Variants in TTL observed in about 807,000 individuals in gnomAD.
TTL encodes tubulin tyrosine ligase, also known as tubulin--tyrosine ligase.
Under a neutral mutation model 41.1 loss-of-function variants are expected in TTL, and 10 were observed. That is an observed-to-expected ratio of 0.24 (90% CI 0.15 to 0.41). The LOEUF is 0.41. TTL is among the 10% of genes least tolerant of loss of function. The pLI is 1.00. For synonymous variants in TTL, 175 were observed against 175.5 expected, an observed-to-expected ratio of 1.00 and a Z score of 0.02; for missense variants, 367 against 460.4, an observed-to-expected ratio of 0.80 and a Z score of 1.86.
chr2:112,531,558 TC>T lies in TTL; in HGVS notation c.*2767del. 4.3e-6 allele frequency: 1 copy of T among 230,034 alleles called. No homozygotes were observed. The highest frequency in any genetic ancestry group is 6.2e-5 in the East Asian group (1 of 16,090). The allele number at this position is 230,034 out of a possible 1,614,324, so 14.2% of individuals were successfully genotyped here. A position where few individuals can be genotyped will look rare whatever the true frequency, so the allele number is the denominator to read the frequency against. ...TTTAAAAAATGTTAGTGCCCACTCT[TC>T]CCCTGTACCCCCGGACAGTTAAATC... On this transcript the variant is annotated 3_prime_UTR_variant, in exon 7 of 7. Coordinates refer to ENST00000233336, the MANE Select transcript of TTL (RefSeq NM_153712.5).
rs578236612 is a variant in TTL, at chr2:112,498,073, C to T, written c.470-3133C>T. 5.3e-5 allele frequency among the ~76,000 whole-genome samples: 8 copies of T among 152,332 alleles called. No individual in the cohort carries two copies. In the East Asian group the frequency reaches 1.5e-3, roughly 29 times the overall value. On this transcript the variant is annotated intron_variant, in intron 3 of 6. Transcript: ENST00000233336. Reference sequence around the variant, plus strand: ...GCGCAGTGGCTCACACCTGTAATCCCAGCACTTTGAGAATCCAAGGCGGGC... The same window carrying T: ...GCGCAGTGGCTCACACCTGTAATCCTAGCACTTTGAGAATCCAAGGCGGGC...
rs1225329046 is a variant in TTL at position 112,539,837 on chromosome 2, ACAAGAT to A, written c.*11046_*11051del. On this transcript the variant is annotated 3_prime_UTR_variant, in exon 7 of 7. Coordinates refer to ENST00000233336, the MANE Select transcript of TTL (RefSeq NM_153712.5). ...AAAGAGTTTAGCAAGATTGCCAGAC[ACAAGAT>A]CAATATACAAAACTCAATGGTATTT... 1.3e-5 allele frequency: 2 copies of A among 152,250 alleles called. No individual in the cohort carries two copies. The highest frequency in any genetic ancestry group is 4.8e-5 in the African/African-American group (2 of 41,470). The allele number at this position is 152,250 out of a possible 1,614,324, so 9.4% of individuals were successfully genotyped here.
chr2:112,509,694 A>C (rs1356092035), intron 5 of TTL, among the ~76,000 whole-genome samples: 3 of 152,130 alleles, frequency 2.0e-5, no homozygotes, highest in Non-Finnish European at 4.4e-5. Context: ...GCGCACACAC[A>C]CTGGCCTGCG....
rs1407151602 is a variant in TTL at position 112,532,949 on chromosome 2, G to A, written c.*4154G>A. On this transcript the variant is annotated 3_prime_UTR_variant, in exon 7 of 7. Coordinates refer to ENST00000233336, the MANE Select transcript of TTL (RefSeq NM_153712.5). ...GTTTCTTACGTGTCTTGTGTATCGA[G>A]TTCTTGTAAAGCATTTCACCAAGGC... 1.3e-5 allele frequency: 2 copies of A among 152,186 alleles called. No homozygotes were observed. Among genetic ancestry groups the A allele is most frequent in the Admixed American group, 1.3e-4 (2 of 15,276 alleles). 9.4% of individuals were successfully genotyped at this position (152,186 alleles called of 1,614,324 possible).
chr2:112,499,392 G>A (rs1245731192), intron 3 of TTL, among the ~76,000 whole-genome samples: 2 of 152,070 alleles, frequency 1.3e-5, no homozygotes, highest in African/African-American at 4.8e-5. Context: ...TGAAAAAGGT[G>A]CAAAAGCCAT....
At position 112,529,622 on chromosome 2, in the gene TTL, T is replaced by A. The variant is rs79979361; in HGVS notation, c.*827T>A. On this transcript the variant is annotated 3_prime_UTR_variant, in exon 7 of 7. Coordinates refer to ENST00000233336, the MANE Select transcript of TTL (RefSeq NM_153712.5). ...AGTTTTGCCTAGTTCCCTTTTTTTT[T>A]CTTTTTTTACTTTTTTTTAAACGTT... 549 of 228,386 alleles carry A rather than the reference T, an allele frequency of 2.4e-3. 1 individual carries two copies. Among genetic ancestry groups the A allele is most frequent in the African/African-American group, 0.011 (517 of 45,210 alleles). 14.1% of individuals were successfully genotyped at this position (228,386 alleles called of 1,614,324 possible).
intron 2 of TTL, among the ~76,000 whole-genome samples, chr2:112,486,882 A>G (rs765679724): frequency 3.9e-5 from 6 of 152,242 alleles, no homozygotes; most frequent in Admixed American, 6.5e-5. Flanking sequence ...GGAAATAATA[A>G]TAACTACCTA....
chr2:112,526,306 T>C (rs1421798117), intron 6 of TTL, among the ~76,000 whole-genome samples: 1 of 152,228 alleles, frequency 6.6e-6, no homozygotes, highest in Non-Finnish European at 1.5e-5. Context: ...CCTCATAAAA[T>C]GAGTTAGGGA....
intron 5 of TTL, among the ~76,000 whole-genome samples, chr2:112,518,540 C>T (rs17043138): frequency 0.011 from 1,712 of 151,974 alleles, 29 homozygotes; most frequent in African/African-American, 0.032. Flanking sequence ...GGGCCGAGGG[C>T]GGAGGATTGA....
intron 2 of TTL, among the ~76,000 whole-genome samples, chr2:112,493,757 CTT>C (rs1681453462): frequency 6.6e-6 from 1 of 152,176 alleles, no homozygotes; most frequent in African/African-American, 2.4e-5. Context: ...CCAGGATAGT[CTT>C]TTTGCTACTT....
In TTL at chr2:112,534,551, G is replaced by A. The variant is rs1464380359; in HGVS notation, c.*5756G>A. 1 of 152,312 alleles carries A rather than the reference G, an allele frequency of 6.6e-6. No homozygotes were observed. Among genetic ancestry groups the A allele is most frequent in the East Asian group, 1.9e-4 (1 of 5,188 alleles). The allele number at this position is 152,312 out of a possible 1,614,324, so 9.4% of individuals were successfully genotyped here. Reference sequence around the variant, plus strand: ...CAGAGAATTGCCATTTGGCCTTTTTGGTAGTTCCATGTAAGTCCCTACTCC... The same window carrying A: ...CAGAGAATTGCCATTTGGCCTTTTTAGTAGTTCCATGTAAGTCCCTACTCC... On this transcript the variant is annotated 3_prime_UTR_variant, in exon 7 of 7. Transcript: ENST00000233336.
At chr2:112,487,756 G>A (rs1380485052) in intron 2 of TTL, among the ~76,000 whole-genome samples, 2 of 152,190 alleles carry the variant, frequency 1.3e-5, no homozygotes, top group East Asian at 3.9e-4. Context: ...TATGCAGGCT[G>A]GAGGTTGCAT....
chr2:112,527,171 G>T (rs943765840), intron 6 of TTL, among the ~76,000 whole-genome samples: 1 of 152,110 alleles, frequency 6.6e-6, no homozygotes, highest in Admixed American at 6.6e-5. Flanking sequence ...TATAATTTCT[G>T]TTCTTTTACA....
At chr2:112,485,375 A>G (rs1681214099) in intron 1 of TTL, among the ~76,000 whole-genome samples, 1 of 152,246 alleles carries the variant, frequency 6.6e-6, no homozygotes, top group Non-Finnish European at 1.5e-5. Flanking sequence ...TGCGGCACAG[A>G]AGAAAGCTCT....
chr2:112,529,104 C>T lies in TTL; in HGVS notation c.*309C>T, dbSNP rs1408323768. 11 of 442,276 alleles carry T rather than the reference C, an allele frequency of 2.5e-5. No individual in the cohort carries two copies. The highest frequency in any genetic ancestry group is 5.4e-5 in the South Asian group (2 of 37,052). 27.4% of individuals were successfully genotyped at this position (442,276 alleles called of 1,614,324 possible). ...ACGGCAGGGCACTGGGACCTCTGGT[C>T]GGTGCCTCCCACCCACTGCAGCCCT... On this transcript the variant is annotated 3_prime_UTR_variant, in exon 7 of 7. Transcript: ENST00000233336.
chr2:112,533,689 C>T lies in TTL; in HGVS notation c.*4894C>T, dbSNP rs1457539725. 1 of 152,206 alleles carries T rather than the reference C, an allele frequency of 6.6e-6. No individual in the cohort carries two copies. Among genetic ancestry groups the T allele is most frequent in the Non-Finnish European group, 1.5e-5 (1 of 68,050 alleles). 9.4% of individuals were successfully genotyped at this position (152,206 alleles called of 1,614,324 possible). The stretch of plus-strand genomic sequence containing the variant: ...ACCCATTCCTGTGATAACTAACCCA[C>T]TCCTGGCATAACATCATTAATTTAT... On this transcript the variant is annotated 3_prime_UTR_variant, in exon 7 of 7. Transcript: ENST00000233336.
intron 5 of TTL, among the ~76,000 whole-genome samples, chr2:112,517,183 G>A (rs959332954): frequency 2.1e-5 from 3 of 145,854 alleles, no homozygotes; most frequent in Admixed American, 6.8e-5. Context: ...AAAAAAATTA[G>A]TTTTGATTTG....
intron 5 of TTL, among the ~76,000 whole-genome samples, chr2:112,517,144 T>C (rs1682091919): frequency 7.1e-6 from 1 of 140,896 alleles, no homozygotes; most frequent in South Asian, 2.4e-4. Flanking sequence ...ATTATTAATC[T>C]TGAGCTTTCA....
Position 112,539,325 on chromosome 2 carries a change from G to A in TTL, c.*10530G>A, listed in dbSNP as rs903416214. 4.0e-5 allele frequency: 6 copies of A among 151,868 alleles called. No individual in the cohort carries two copies. Among genetic ancestry groups the A allele is most frequent in the Non-Finnish European group, 7.4e-5 (5 of 67,994 alleles). 9.4% of individuals were successfully genotyped at this position (151,868 alleles called of 1,614,324 possible). A position where few individuals can be genotyped will look rare whatever the true frequency, so the allele number is the denominator to read the frequency against. On this transcript the variant is annotated 3_prime_UTR_variant, in exon 7 of 7. Transcript: ENST00000233336. ...GTACCCCCCTGATTCTAAAATAAACGTTGAGAAGGGGAAAAGAAAGAATGC... is the reference window on the plus strand; with the variant it reads ...GTACCCCCCTGATTCTAAAATAAACATTGAGAAGGGGAAAAGAAAGAATGC...
Sources: allele counts gnomAD v4.1 joint callset (sites outside exome capture counted in the v4.1 genomes callset), GRCh38; gene constraint gnomAD v4.1.1; transcripts MANE v1.5; gene names NCBI Gene and HGNC (gene_info 2026-07-23, HGNC 2026-07-21).